Variants in RAPH1 observed in about 807,000 individuals in gnomAD.
RAPH1 encodes ras-associated and pleckstrin homology domains-containing protein 1.
A neutral mutation model predicts 88.1 loss-of-function variants in RAPH1; 18 were observed. The observed-to-expected ratio is 0.20, with a 90% CI of 0.14 to 0.30. The LOEUF (loss-of-function observed/expected upper bound fraction) is 0.30. Among genes scored for constraint, RAPH1 ranks in the 10% least tolerant of loss-of-function variants. RAPH1 has a pLI of 1.00. For missense variants in RAPH1, 1,448 were observed against 1,543.2 expected (o/e 0.94, Z 1.03); for synonymous variants, 587 against 559.0 (o/e 1.05, Z -0.71).
intron 1 of RAPH1, among the ~76,000 whole-genome samples, chr2:203,496,131 G>T (rs1217288376): frequency 6.6e-6 from 1 of 152,210 alleles, no homozygotes; most frequent in East Asian, 1.9e-4. Flanking sequence ...GCCGAGGCGG[G>T]TGGATCAACC....
At chr2:203,472,124 GTTCT>G (rs1245120118) in intron 4 of RAPH1, among the ~76,000 whole-genome samples, 1 of 149,846 alleles carries the variant, frequency 6.7e-6, no homozygotes, top group Admixed American at 6.6e-5. Context: ...GGTTTCTTTA[GTTCT>G]TTTTTTTTTT....
intron 1 of RAPH1, among the ~76,000 whole-genome samples, chr2:203,499,707 T>C (rs1688658400): frequency 6.6e-6 from 1 of 151,680 alleles, no homozygotes; most frequent in South Asian, 2.1e-4. Flanking sequence ...GTGAACTCCA[T>C]CTCAAAGAAA....
intron 7 of RAPH1, 76 bp downstream of exon 7, chr2:203,459,831 C>T: frequency 6.8e-7 from 1 of 1,463,452 alleles, no homozygotes; most frequent in South Asian, 1.2e-5. Flanking sequence ...AGTCTTTTAA[C>T]TCTAACTTAG....
chr2:203,471,960 G>A (rs1054682449), intron 4 of RAPH1, among the ~76,000 whole-genome samples: 7 of 151,978 alleles, frequency 4.6e-5, no homozygotes, highest in Admixed American at 2.0e-4. Context: ...TCCTCCTAAA[G>A]GTAAGACTGA....
intron 4 of RAPH1, among the ~76,000 whole-genome samples, chr2:203,476,532 C>T (rs1687462206): frequency 6.6e-6 from 1 of 151,952 alleles, no homozygotes; most frequent in African/African-American, 2.4e-5. Flanking sequence ...TGTATTTTAT[C>T]CTTACAGCAC....
chr2:203,527,964 T>C (rs535177827), intron 1 of RAPH1, among the ~76,000 whole-genome samples: 1 of 152,286 alleles, frequency 6.6e-6, no homozygotes, highest in South Asian at 2.1e-4. Flanking sequence ...GAGCCAAGTG[T>C]TAACGGATGT....
intron 4 of RAPH1, among the ~76,000 whole-genome samples, chr2:203,464,977 C>T (rs2098527323): frequency 1.3e-5 from 2 of 152,150 alleles, no homozygotes; most frequent in South Asian, 4.1e-4. Context: ...AAATCCAAAA[C>T]ACTAACACCA....
intron 4 of RAPH1, among the ~76,000 whole-genome samples, chr2:203,484,536 G>A (rs1311218203): frequency 6.6e-6 from 1 of 152,160 alleles, no homozygotes; most frequent in East Asian, 1.9e-4. Flanking sequence ...TGTTTTACAG[G>A]GATTAAAATG....
rs764179644 is a variant in RAPH1 at position 203,440,896 on chromosome 2, G to A, written c.2294C>T (p.Pro765Leu). The change falls in exon 14 of 14, where the codon CCA becomes CTA. Residue 765 changes from proline (P) to leucine (L), a missense_variant. This residue lies in a region of RAPH1 where 935 missense variants were observed against 890.1 expected (regional missense o/e 1.05). Transcript: ENST00000319170. ...ITQVAPPTPP[P>L]PPPIPAPLPP... is the part of the protein sequence containing the mutation. Reference sequence around the variant, plus strand: ...GAGGGGTGCAGGGATAGGAGGAGGTGGGGGGGGTGTTGGGGGAGCCACCTG... The same window carrying A: ...GAGGGGTGCAGGGATAGGAGGAGGTAGGGGGGGTGTTGGGGGAGCCACCTG... 89 of 1,440,154 alleles carry A rather than the reference G, an allele frequency of 6.2e-5. No individual in the cohort carries two copies. Among genetic ancestry groups the A allele is most frequent in the Admixed American group, 1.4e-4 (7 of 51,726 alleles). 89.2% of individuals were successfully genotyped at this position (1,440,154 alleles called of 1,614,324 possible).
At chr2:203,464,048 G>A (rs1261481578) in intron 4 of RAPH1, among the ~76,000 whole-genome samples, 1 of 152,212 alleles carries the variant, frequency 6.6e-6, no homozygotes, top group African/African-American at 2.4e-5. Flanking sequence ...GGAAGAGAAA[G>A]AAGGAGGCAG....
Position 203,461,361 on chromosome 2 carries a change from C to A in RAPH1, c.858G>T (p.Met286Ile). The stretch of plus-strand genomic sequence containing the variant: ...GTCTTACTGTCTGCCTCTCATCCAC[C>A]ATCATTGTTTTAGAACTGTCATCAG... The part of the protein sequence containing the change: ...HMSDDSSKTM[M>I]VDERQTVRQV... Residue 286 changes from methionine (M) to isoleucine (I), a missense_variant, in exon 6 of 14, where the codon ATG (methionine) becomes ATT (isoleucine). Transcript: ENST00000319170. 6.2e-7 allele frequency: 1 copy of A among 1,610,574 alleles called. No individual in the cohort carries two copies. The highest frequency in any genetic ancestry group is 8.5e-7 in the Non-Finnish European group (1 of 1,178,198).
chr2:203,477,066 T>C (rs1318203823), intron 4 of RAPH1: 1 of 1,602,522 alleles, frequency 6.2e-7, no homozygotes, highest in Admixed American at 1.7e-5. Context: ...GGCATGTTTA[T>C]AGAACTTACA....
At position 203,434,056 on chromosome 2, in the gene RAPH1, C is replaced by CTATCTA. The variant is rs1488308709; in HGVS notation, c.*5380_*5381insTAGATA. On this transcript the variant is annotated 3_prime_UTR_variant, in exon 14 of 14. Transcript: ENST00000319170. ...CTCTCTCATATATCTATCTATCTATCTATATATATATATATATATATATAG... is the reference window on the plus strand; with the variant it reads ...CTCTCTCATATATCTATCTATCTATCTATCTATATATATATATATATATATATATAG... The CTATCTA allele has an allele frequency of 3.0e-3, 436 of 145,678 alleles. 2 individuals carry two copies. The highest frequency in any genetic ancestry group is 7.9e-3 in the African/African-American group (312 of 39,304). The allele number at this position is 145,678 out of a possible 1,614,324, so 9.0% of individuals were successfully genotyped here.
chr2:203,464,109 A>G (rs764303107), intron 4 of RAPH1, among the ~76,000 whole-genome samples: 15 of 152,194 alleles, frequency 9.9e-5, no homozygotes, highest in Non-Finnish European at 2.1e-4. Context: ...TATGTTCCTC[A>G]TGGCTCATTT....
intron 1 of RAPH1, among the ~76,000 whole-genome samples, chr2:203,500,824 C>T (rs1688708579): frequency 6.6e-6 from 1 of 152,090 alleles, no homozygotes; most frequent in Non-Finnish European, 1.5e-5. Context: ...AATCAGGTAC[C>T]ATGAGGATCC....
chr2:203,488,610 A>C (rs1688097589), intron 4 of RAPH1, among the ~76,000 whole-genome samples: 1 of 146,006 alleles, frequency 6.8e-6, no homozygotes, highest in South Asian at 2.2e-4. Flanking sequence ...AAAAAAAAAA[A>C]AAAAAAAACC....
At chr2:203,459,332 ATT>A in intron 7 of RAPH1, among the ~76,000 whole-genome samples, 1 of 152,258 alleles carries the variant, frequency 6.6e-6, no homozygotes, top group East Asian at 1.9e-4. Flanking sequence ...ACTACTTTTT[ATT>A]GTGGAGTTGT....
chr2:203,506,157 T>C (rs200064697), intron 1 of RAPH1, among the ~76,000 whole-genome samples: 8 of 152,176 alleles, frequency 5.3e-5, no homozygotes, highest in Admixed American at 2.6e-4. Context: ...GGGTAACAAA[T>C]AGACGTAGCC....
At chr2:203,477,145 A>G (rs1687494922) in intron 4 of RAPH1, 3 of 1,613,818 alleles carry the variant, frequency 1.9e-6, no homozygotes, top group Non-Finnish European at 2.5e-6. Context: ...AACATCTCAG[A>G]GAAATAGCAT....
Sources: gnomAD v4.1 joint callset for allele counts (sites outside exome capture counted in the v4.1 genomes callset) on GRCh38, gnomAD v4.1.1 for gene constraint, gnomAD v4.1.1 regional missense constraint, MANE v1.5 for transcripts, NCBI Gene and HGNC (gene_info 2026-07-23, HGNC 2026-07-21) for gene names.